SYCP2: variants seen among roughly 807,000 people sequenced by gnomAD.
SYCP2 encodes synaptonemal complex lateral element protein.
In SYCP2, 55 loss-of-function variants were observed where a neutral mutation model predicts 211.3. That is an observed-to-expected ratio of 0.26 (90% CI 0.21 to 0.33). SYCP2 has a LOEUF of 0.33. SYCP2 is among the 10% of genes least tolerant of loss of function. The probability of loss-of-function intolerance (pLI) is 1.00; values close to 1 mark genes in which losing one functional copy is unlikely to be tolerated. For missense variants in SYCP2, 1,731 were observed against 1,752.0 expected, an observed-to-expected ratio of 0.99 and a Z score of 0.21; for synonymous variants, 570 against 555.2, an observed-to-expected ratio of 1.03 and a Z score of -0.37.
rs911686142 is a variant in SYCP2 at position 59,933,586 on chromosome 20, C to G, written c.-157G>C. 3.3e-5 allele frequency: 5 copies of G among 152,194 alleles called. No individual in the cohort carries two copies. Among genetic ancestry groups the G allele is most frequent in the Non-Finnish European group, 5.9e-5 (4 of 68,068 alleles). The allele number at this position is 152,194 out of a possible 1,614,324, so 9.4% of individuals were successfully genotyped here. On this transcript the variant is annotated 5_prime_UTR_variant, in exon 1 of 45. Transcript: ENST00000357552. ...CAACCTGCCTGCGGCAGGAGGCGTC[C>G]GCGTAGTGTCGGTGGAGCCGCCCCC...
chr20:59,873,847 C>A lies in SYCP2; in HGVS notation c.3555+9G>T. On this transcript the variant is annotated intron_variant, in intron 35 of 44. Transcript: ENST00000357552. ...TCTGATAAAGAGAAAAATATATATA[C>A]ATTCTCACCAAAAACAGTGGTCGTG... The A allele has an allele frequency of 6.3e-7, 1 of 1,595,690 alleles. No homozygotes were observed. The highest frequency in any genetic ancestry group is 8.5e-7 in the Non-Finnish European group (1 of 1,171,890).
intron 14 of SYCP2, among the ~76,000 whole-genome samples, chr20:59,910,741 T>C (rs762114789): frequency 2.0e-5 from 3 of 151,374 alleles, no homozygotes; most frequent in Non-Finnish European, 4.4e-5. Context: ...CAAAAGTAAT[T>C]GCAGTTTCTG....
At chr20:59,931,917 A>G (rs1361812799) in intron 2 of SYCP2, 145 bp downstream of exon 2, 1 of 152,248 alleles carries the variant, frequency 6.6e-6, no homozygotes, top group Non-Finnish European at 1.5e-5. Flanking sequence ...GGCTAACTCT[A>G]AAAAGAAACA....
In SYCP2 at chr20:59,875,362, T is replaced by G. The variant is rs1176540552; in HGVS notation, c.3258A>C (p.Ser1086=). The G allele has an allele frequency of 6.2e-7, 1 of 1,612,588 alleles. No individual in the cohort carries two copies. Among genetic ancestry groups the G allele is most frequent in the Non-Finnish European group, 8.5e-7 (1 of 1,179,122 alleles). The change falls in exon 34 of 45, where the codon TCA becomes TCC. Residue 1086 remains serine (S), a synonymous_variant. Transcript: ENST00000357552. ...EKELSKQWKN[S]SLLKDAIRDN... ...CTCGTATAGCATCTTTTAGTAGAGA[T>G]GAGTTTTTCCATTGTTTTGATAGTT...
chr20:59,897,990 G>A (rs2060042950), intron 18 of SYCP2, among the ~76,000 whole-genome samples: 1 of 152,110 alleles, frequency 6.6e-6, no homozygotes, highest in South Asian at 2.1e-4. Flanking sequence ...TATAATCCCA[G>A]CTCCTTGGGA....
chr20:59,865,319 C>G (rs2059307788), intron 44 of SYCP2, 69 bp downstream of exon 44: 17 of 1,255,040 alleles, frequency 1.4e-5, no homozygotes, highest in Non-Finnish European at 1.7e-5. Context: ...TAAAAGCACA[C>G]ACACAAAAAA....
At chr20:59,879,849 A>G (rs1271665186) in intron 31 of SYCP2, among the ~76,000 whole-genome samples, 1 of 133,466 alleles carries the variant, frequency 7.5e-6, no homozygotes, top group South Asian at 2.2e-4. Flanking sequence ...ATATATATAT[A>G]TATATATATA....
chr20:59,866,230 C>A, intron 41 of SYCP2, 63 bp downstream of exon 41: 1 of 1,088,940 alleles, frequency 9.2e-7, no homozygotes, highest in East Asian at 2.6e-5. Flanking sequence ...GAAAGTTTTT[C>A]CAAGTATAGC....
intron 15 of SYCP2, 36 bp downstream of exon 15, chr20:59,907,328 A>AT: frequency 7.3e-7 from 1 of 1,365,492 alleles, no homozygotes; most frequent in Non-Finnish European, 1.0e-6. Flanking sequence ...TATGGTAAGA[A>AT]TTAAGAAAAT....
chr20:59,866,414 A>AT (rs772313080), intron 40 of SYCP2, 22 bp from the exon 41 acceptor site: 1 of 1,561,042 alleles, frequency 6.4e-7, no homozygotes, highest in East Asian at 2.2e-5. Flanking sequence ...ACAAAATGAG[A>AT]TTAATTTTAA....
At chr20:59,915,273 A>G in intron 9 of SYCP2, 74 bp from the exon 10 acceptor site, 2 of 1,226,284 alleles carry the variant, frequency 1.6e-6, no homozygotes, top group Non-Finnish European at 2.3e-6. Flanking sequence ...TTAGGAGGAA[A>G]AGAAACTTCA....
At chr20:59,901,992 C>CTCT (rs1485791414) in intron 15 of SYCP2, among the ~76,000 whole-genome samples, 182 bp from the exon 16 acceptor site, 1 of 152,040 alleles carries the variant, frequency 6.6e-6, no homozygotes, top group Non-Finnish European at 1.5e-5. Context: ...GTCAATTTAG[C>CTCT]TTTCCTAGTC....
At position 59,886,699 on chromosome 20, in the gene SYCP2, G is replaced by A. The variant is rs2059795673; in HGVS notation, c.2492+8C>T. The A allele has an allele frequency of 6.5e-7, 1 of 1,538,038 alleles. No homozygotes were observed. Among genetic ancestry groups the A allele is most frequent in the Non-Finnish European group, 8.7e-7 (1 of 1,145,588 alleles). ...AAAAATATTCATGTCTGAAATTTAA[G>A]AACATACCTGTTAATCAAAGACTCC... On this transcript the variant is annotated splice_region_variant and intron_variant, in intron 25 of 44. Coordinates refer to ENST00000357552, the MANE Select transcript of SYCP2 (RefSeq NM_014258.4).
intron 34 of SYCP2, 115 bp from the exon 35 acceptor site, chr20:59,874,176 AGC>A (rs2059510057): frequency 1.8e-6 from 1 of 542,674 alleles, no homozygotes; most frequent in Non-Finnish European, 3.0e-6. Context: ...TTCAAATCTT[AGC>A]TATAAAAAAG....
chr20:59,880,778 G>A (rs560809699), intron 30 of SYCP2, among the ~76,000 whole-genome samples, 188 bp downstream of exon 30: 11 of 151,538 alleles, frequency 7.3e-5, no homozygotes, highest in Non-Finnish European at 1.6e-4. Flanking sequence ...AAAACTAAAC[G>A]TGGCATTTCT....
At chr20:59,931,150 T>C (rs573220888) in intron 2 of SYCP2, among the ~76,000 whole-genome samples, 1 of 152,358 alleles carries the variant, frequency 6.6e-6, no homozygotes, top group South Asian at 2.1e-4. Flanking sequence ...TGGTGGCTTA[T>C]GTCTGTAATG....
chr20:59,897,789 A>C (rs908328420), intron 18 of SYCP2, among the ~76,000 whole-genome samples: 1 of 152,142 alleles, frequency 6.6e-6, no homozygotes, highest in Non-Finnish European at 1.5e-5. Flanking sequence ...CTCCACGAAG[A>C]AATCAAAAAA....
Position 59,875,274 on chromosome 20 carries a change from T to C in SYCP2, c.3346A>G (p.Arg1116Gly). The C allele has an allele frequency of 6.3e-7, 1 of 1,589,810 alleles. No individual in the cohort carries two copies. The highest frequency in any genetic ancestry group is 8.6e-7 in the Non-Finnish European group (1 of 1,165,808). The change falls in exon 34 of 45, where the codon AGA becomes GGA. Residue 1116 changes from arginine (R) to glycine (G), a missense_variant. Transcript: ENST00000357552. ...SGSPSSIEVT[R>G]CIEKITEKDF... Reference sequence around the variant, plus strand: ...GAAAAAACAAAGTTATACTGACATCTCGTTACTTCTATAGATGATGGACTG... The same window carrying C: ...GAAAAAACAAAGTTATACTGACATCCCGTTACTTCTATAGATGATGGACTG...
At chr20:59,866,444 A>G (rs958138147) in intron 40 of SYCP2, 51 bp downstream of exon 40, 4 of 1,562,210 alleles carry the variant, frequency 2.6e-6, no homozygotes, top group South Asian at 2.3e-5. Flanking sequence ...CATTCAGAAT[A>G]TAGGAATATG....
Sources: gnomAD v4.1 joint callset for allele counts (sites outside exome capture counted in the v4.1 genomes callset) on GRCh38, gnomAD v4.1.1 for gene constraint, MANE v1.5 for transcripts, NCBI Gene and HGNC (gene_info 2026-07-23, HGNC 2026-07-21) for gene names.